Variants in DSE observed in about 807,000 individuals in gnomAD.
DSE encodes the protein dermatan-sulfate epimerase.
In DSE, 36 loss-of-function variants were observed where a neutral mutation model predicts 84.4. The observed-to-expected ratio is 0.43, with a 90% CI of 0.33 to 0.56. DSE has a LOEUF of 0.56. Ranked by LOEUF, DSE falls within the 20% of genes least tolerant of loss-of-function variation. DSE has a pLI of 0.06. For synonymous variants in DSE, 410 were observed against 430.1 expected (o/e 0.95, Z 0.58); for missense variants, 862 against 1,169.6 (o/e 0.74, Z 3.84).
chr6:116,284,715 T>G (rs1282174336), intron 2 of DSE, among the ~76,000 whole-genome samples: 7 of 119,678 alleles, frequency 5.8e-5, no homozygotes, highest in East Asian at 2.6e-4. Flanking sequence ...TTCCCCACCC[T>G]GTGTCCAAGT....
chr6:116,410,460 G>A (rs374105072), intron 2 of DSE, among the ~76,000 whole-genome samples: 4 of 152,174 alleles, frequency 2.6e-5, no homozygotes, highest in African/African-American at 7.2e-5. Context: ...CAGGCCGAGC[G>A]TGGTGGCTCA....
chr6:116,410,764 A>AAAAAAAAACAAAAAAAAG (rs1554224280), intron 2 of DSE, among the ~76,000 whole-genome samples: 1 of 139,792 alleles, frequency 7.2e-6, no homozygotes, highest in Non-Finnish European at 1.5e-5. Context: ...AAAAAAAAAA[A>AAAAAAAAACAAAAAAAAG]AAGAAGAAGA....
intron 2 of DSE, among the ~76,000 whole-genome samples, chr6:116,345,936 T>C (rs1777932732): frequency 6.6e-6 from 1 of 152,150 alleles, no homozygotes; most frequent in Non-Finnish European, 1.5e-5. Context: ...ATAAAGGGGA[T>C]ATCACCATCG....
upstream of DSE, among the ~76,000 whole-genome samples, chr6:116,368,992 G>A (rs1779340807): frequency 6.6e-6 from 1 of 152,038 alleles, no homozygotes; most frequent in South Asian, 2.1e-4. Flanking sequence ...CAATTCGCAG[G>A]TCACTCAAAA....
rs554647081 is a variant in DSE, at chr6:116,258,905, G to A, written c.-116G>A. 1.8e-4 allele frequency: 284 copies of A among 1,586,438 alleles called. 4 individuals carry two copies. The South Asian group carries it at 2.8e-3, about 16-fold the overall frequency. Reference sequence around the variant, plus strand: ...TGCATCATCATGGAGTTAGTAAGGCGCTCCACAATGGGACACTGAGCTTTG... The same window carrying A: ...TGCATCATCATGGAGTTAGTAAGGCACTCCACAATGGGACACTGAGCTTTG... On this transcript the variant is annotated 5_prime_UTR_variant, in exon 2 of 4. Transcript: ENST00000430252.
intron 2 of DSE, among the ~76,000 whole-genome samples, chr6:116,309,951 G>GA (rs375759151): frequency 1.1e-4 from 16 of 145,224 alleles, no homozygotes; most frequent in African/African-American, 2.5e-4. Flanking sequence ...ATTTTGGAAA[G>GA]AAAAAAAAAA....
intron 2 of DSE, among the ~76,000 whole-genome samples, chr6:116,330,196 TTTA>T (rs1776856662): frequency 1.3e-5 from 2 of 152,226 alleles, no homozygotes; most frequent in African/African-American, 4.8e-5. Context: ...ACTTTATTAA[TTTA>T]TTATTAGCAT....
chr6:116,311,388 G>A (rs552391232), intron 2 of DSE, among the ~76,000 whole-genome samples: 4 of 152,214 alleles, frequency 2.6e-5, no homozygotes, highest in African/African-American at 9.6e-5. Context: ...AAATATAGTA[G>A]AAATAAAGAA....
At position 116,439,945 on chromosome 6, in the gene DSE, C is replaced by T. The variant is rs536261; in HGVS notation, c.*2600C>T. On this transcript the variant is annotated 3_prime_UTR_variant, in exon 6 of 6. Coordinates refer to ENST00000644252, the MANE Select transcript of DSE (RefSeq NM_013352.4). ...AGACAGAGTGAGACCGTGTTTCTCT[C>T]TTTTTTTTTTTTTTAAGTATATTCC... 0.6 allele frequency: 71,467 copies of T among 118,478 alleles called. 17,484 individuals are homozygous for T. Among genetic ancestry groups the T allele is most frequent in the Admixed American group, 0.66 (8,402 of 12,704 alleles). The allele number at this position is 118,478 out of a possible 1,614,324, so 7.3% of individuals were successfully genotyped here. A position where few individuals can be genotyped will look rare whatever the true frequency, so the allele number is the denominator to read the frequency against.
intron 2 of DSE, among the ~76,000 whole-genome samples, chr6:116,260,350 G>A (rs186375511): frequency 6.6e-6 from 1 of 151,644 alleles, no homozygotes; most frequent in Admixed American, 6.6e-5. Context: ...TTTTTCTTGT[G>A]AATTTAAGTT....
At position 116,386,378 on chromosome 6, in the gene DSE, AC is replaced by A. The variant is rs201784666; in HGVS notation, c.-53-12819del. Among the ~76,000 whole-genome samples, 637 of 152,376 alleles carry A rather than the reference AC, an allele frequency of 4.2e-3. 18 individuals are homozygous for A. The highest frequency in any genetic ancestry group is 0.034 in the South Asian group (166 of 4,830). ...CCTTGGCAATTCACTAGAAGGACTT[AC>A]AACATTTGTTATCATCTGGTTATGC... On this transcript the variant is annotated intron_variant, in intron 1 of 5. Transcript: ENST00000644252.
At chr6:116,374,619 G>A (rs1779808780) in intron 1 of DSE, among the ~76,000 whole-genome samples, 2 of 152,084 alleles carry the variant, frequency 1.3e-5, no homozygotes, top group African/African-American at 2.4e-5. Context: ...TACAGTTATG[G>A]AGCCCAAGTC....
intron 2 of DSE, among the ~76,000 whole-genome samples, chr6:116,344,303 C>A (rs2498707): frequency 8.5e-5 from 13 of 152,158 alleles, no homozygotes; most frequent in Admixed American, 3.9e-4. Flanking sequence ...GATACTCCTC[C>A]TGAAGAGCAA....
At chr6:116,371,655 A>G (rs1273881424) in intron 1 of DSE, among the ~76,000 whole-genome samples, 1 of 152,134 alleles carries the variant, frequency 6.6e-6, no homozygotes, top group African/African-American at 2.4e-5. Flanking sequence ...GAGCTCCCCA[A>G]GCCTCTCCCA....
chr6:116,395,735 G>C (rs1781214236), intron 1 of DSE, among the ~76,000 whole-genome samples: 1 of 152,056 alleles, frequency 6.6e-6, no homozygotes, highest in Non-Finnish European at 1.5e-5. Context: ...AAATTATCTT[G>C]AAACACTCTT....
intron 2 of DSE, chr6:116,280,041 C>G: frequency 1.5e-6 from 1 of 675,148 alleles, no homozygotes; most frequent in Non-Finnish European, 2.6e-6. Flanking sequence ...ATTCTCTGGG[C>G]TTTATTTCTG....
At chr6:116,388,135 C>T (rs1467430590) in intron 1 of DSE, among the ~76,000 whole-genome samples, 2 of 152,010 alleles carry the variant, frequency 1.3e-5, no homozygotes, top group African/African-American at 4.8e-5. Flanking sequence ...TGGGAATGGG[C>T]TTTTGTAATT....
chr6:116,358,415 A>G (rs1778695423), intron 2 of DSE, among the ~76,000 whole-genome samples: 1 of 152,246 alleles, frequency 6.6e-6, no homozygotes. Flanking sequence ...GGGAAGAGTT[A>G]TTCTTTAATT....
chr6:116,321,728 C>T (rs1002484420), intron 2 of DSE, among the ~76,000 whole-genome samples: 7 of 152,034 alleles, frequency 4.6e-5, no homozygotes, highest in East Asian at 1.9e-4. Flanking sequence ...GAGCCGAGAT[C>T]GCGCCACCGC....
Sources: allele counts gnomAD v4.1 joint callset (sites outside exome capture counted in the v4.1 genomes callset), GRCh38; gene constraint gnomAD v4.1.1; transcripts MANE v1.5; gene names NCBI Gene and HGNC (gene_info 2026-07-23, HGNC 2026-07-21).